Variants in CSMD1 observed in about 807,000 individuals in gnomAD.
CSMD1 encodes CUB and Sushi multiple domains 1.
Under a neutral mutation model 417.5 loss-of-function variants are expected in CSMD1, and 213 were observed. The ratio of observed to expected loss-of-function variants is 0.51; its 90% confidence interval spans 0.46 to 0.57. The LOEUF (loss-of-function observed/expected upper bound fraction) is 0.57, where lower values mean the gene tolerates loss of function less well. Ranked by LOEUF, CSMD1 falls within the 20% of genes least tolerant of loss-of-function variation. The pLI is 0.00. For synonymous variants in CSMD1, 2,862 were observed against 1,736.8 expected (o/e 1.65, Z -16.11); for missense variants, 6,923 against 4,529.7 (o/e 1.53, Z -15.17).
chr8:3,815,469 T>G (rs560442122), intron 5 of CSMD1, among the ~76,000 whole-genome samples: 1 of 152,094 alleles, frequency 6.6e-6, no homozygotes, highest in Non-Finnish European at 1.5e-5. Flanking sequence ...CAGGTTTCTG[T>G]GTAAATATAA....
At chr8:3,312,352 G>C (rs866231412) in intron 23 of CSMD1, among the ~76,000 whole-genome samples, 4 of 152,116 alleles carry the variant, frequency 2.6e-5, no homozygotes, top group African/African-American at 9.7e-5. Flanking sequence ...TTTTGCAAAA[G>C]ATCACTTAAG....
intron 5 of CSMD1, among the ~76,000 whole-genome samples, chr8:3,866,962 A>T: frequency 6.6e-6 from 1 of 152,336 alleles, no homozygotes; most frequent in African/African-American, 2.4e-5. Context: ...CATTTTCATG[A>T]AAAACCATTT....
Position 4,537,676 on chromosome 8 carries a change from G to A in CSMD1, c.302+99666C>T, listed in dbSNP as rs568246163. On this transcript the variant is annotated intron_variant, in intron 2 of 69. Coordinates refer to ENST00000635120, the MANE Select transcript of CSMD1 (RefSeq NM_033225.6). Reference sequence around the variant, plus strand: ...ATTTGCATTACTTTCATTCTTCCTCGAAGACTCCATCAGGGTGTGCTCAGA... The same window carrying A: ...ATTTGCATTACTTTCATTCTTCCTCAAAGACTCCATCAGGGTGTGCTCAGA... Among the ~76,000 whole-genome samples the A allele has an allele frequency of 7.2e-5, 11 of 151,906 alleles. No homozygotes were observed. The East Asian group carries it at 1.2e-3, about 16-fold the overall frequency.
intron 1 of CSMD1, among the ~76,000 whole-genome samples, chr8:4,835,532 C>G (rs972360654): frequency 6.6e-6 from 1 of 152,162 alleles, no homozygotes; most frequent in Non-Finnish European, 1.5e-5. Flanking sequence ...AGTGGACAGT[C>G]AGCAACCTGA....
intron 66 of CSMD1, among the ~76,000 whole-genome samples, chr8:2,950,775 T>C (rs1802574339): frequency 6.6e-6 from 1 of 152,184 alleles, no homozygotes; most frequent in African/African-American, 2.4e-5. Flanking sequence ...TGTGTGATGA[T>C]TTTAAAAATC....
Position 4,420,093 on chromosome 8 carries a change from G to A in CSMD1, c.303-28C>T, listed in dbSNP as rs531772365. On this transcript the variant is annotated intron_variant, in intron 2 of 69. Transcript: ENST00000635120. ...AAATTTAAAAGACAAGACACAAAGA[G>A]AGTTAAAAGCATGAATTTGTCAAAA... is the stretch of plus-strand genomic sequence containing the variant. The A allele has an allele frequency of 1.3e-5, 19 of 1,478,904 alleles. 1 individual carries two copies. In the South Asian group the frequency reaches 2.2e-4, roughly 17 times the overall value. 91.6% of individuals were successfully genotyped at this position (1,478,904 alleles called of 1,614,324 possible). A position where few individuals can be genotyped will look rare whatever the true frequency, so the allele number is the denominator to read the frequency against.
chr8:3,057,851 C>A (rs1812338136), intron 49 of CSMD1, among the ~76,000 whole-genome samples: 1 of 152,114 alleles, frequency 6.6e-6, no homozygotes, highest in Non-Finnish European at 1.5e-5. Flanking sequence ...ATTTCATTTT[C>A]AGTTTAAAAA....
rs117502892 is a variant in CSMD1, at chr8:3,743,373, G to A, written c.931+10557C>T. On this transcript the variant is annotated intron_variant, in intron 6 of 69. Coordinates refer to ENST00000635120, the MANE Select transcript of CSMD1 (RefSeq NM_033225.6). ...TCTTTAGAAAAATAGATAATTTGCC[G>A]TCCACACATAAAACTGCATTGCGTG... 1.2e-4 allele frequency among the ~76,000 whole-genome samples: 18 copies of A among 152,284 alleles called. 1 individual carries two copies. The highest frequency in any genetic ancestry group is 4.6e-4 in the Admixed American group (7 of 15,290).
intron 3 of CSMD1, among the ~76,000 whole-genome samples, chr8:4,185,818 G>C (rs1200514023): frequency 6.6e-6 from 1 of 152,198 alleles, no homozygotes; most frequent in East Asian, 1.9e-4. Context: ...GCCAGAGTCA[G>C]AAAGTGCCCT....
Position 3,406,189 on chromosome 8 carries a change from T to G in CSMD1, c.2104A>C (p.Ile702Leu). Residue 702 changes from isoleucine (I) to leucine (L), a missense_variant, in exon 15 of 70, where the codon ATT becomes CTT. By Grantham distance (5) the Ile-to-Leu change is conservative. Transcript: ENST00000635120. Reference protein sequence around the residue: ...FGQNECHDPGIPINGRRFGDR... With the variant: ...FGQNECHDPGLPINGRRFGDR... Reference sequence around the variant, plus strand: ...CCAAAACGTCGTCCGTTTATAGGAATGCCAGGATCATGGCACTCATTCTGA... The same window carrying G: ...CCAAAACGTCGTCCGTTTATAGGAAGGCCAGGATCATGGCACTCATTCTGA... 2 of 1,611,008 alleles carry G rather than the reference T, an allele frequency of 1.2e-6. No homozygotes were observed. The highest frequency in any genetic ancestry group is 1.7e-6 in the Non-Finnish European group (2 of 1,178,474).
intron 5 of CSMD1, among the ~76,000 whole-genome samples, chr8:3,777,684 C>G (rs1798964639): frequency 6.6e-6 from 1 of 152,212 alleles, no homozygotes; most frequent in Admixed American, 6.5e-5. Flanking sequence ...GTCTCAGGAC[C>G]CACGCCAGAC....
intron 36 of CSMD1, among the ~76,000 whole-genome samples, chr8:3,187,207 A>G (rs544172576): frequency 1.3e-5 from 2 of 152,350 alleles, no homozygotes; most frequent in South Asian, 2.1e-4. Flanking sequence ...ATGCTATTAC[A>G]GTGTAATGCT....
At chr8:4,892,790 T>C (rs1804211243) in intron 1 of CSMD1, among the ~76,000 whole-genome samples, 1 of 152,154 alleles carries the variant, frequency 6.6e-6, no homozygotes, top group South Asian at 2.1e-4. Context: ...AGGGTATAAA[T>C]CTACCTTGTA....
chr8:4,708,750 C>G (rs1004194316), intron 1 of CSMD1, among the ~76,000 whole-genome samples: 1 of 151,992 alleles, frequency 6.6e-6, no homozygotes, highest in Non-Finnish European at 1.5e-5. Flanking sequence ...ATATAAAGTC[C>G]TAACCCCCAG....
rs184748223 is a variant in CSMD1, at chr8:4,130,696, G to C, written c.416-98597C>G. Among the ~76,000 whole-genome samples, 6 of 150,206 alleles carry C rather than the reference G, an allele frequency of 4.0e-5. No homozygotes were observed. The South Asian group carries it at 8.5e-4, about 21-fold the overall frequency. Reference sequence around the variant, plus strand: ...ATAATGTAATTTTAGTGGAATTTTGGAGGGGAGTAGATAACACATGAAAGT... The same window carrying C: ...ATAATGTAATTTTAGTGGAATTTTGCAGGGGAGTAGATAACACATGAAAGT... On this transcript the variant is annotated intron_variant, in intron 3 of 69. Transcript: ENST00000635120.
intron 3 of CSMD1, among the ~76,000 whole-genome samples, chr8:4,215,048 G>T (rs1413690726): frequency 6.6e-6 from 1 of 152,072 alleles, no homozygotes. Flanking sequence ...TTCCAAGCTG[G>T]CTCAGAGAAA....
intron 5 of CSMD1, among the ~76,000 whole-genome samples, chr8:3,939,525 C>T (rs941086548): frequency 6.6e-6 from 1 of 151,968 alleles, no homozygotes; most frequent in African/African-American, 2.4e-5. Context: ...GGTATCTACT[C>T]AAAGGAAAAG....
At chr8:4,076,780 C>T (rs1207430050) in intron 3 of CSMD1, among the ~76,000 whole-genome samples, 1 of 152,148 alleles carries the variant, frequency 6.6e-6, no homozygotes, top group Non-Finnish European at 1.5e-5. Flanking sequence ...CTCTGAACAA[C>T]AACCATATCA....
chr8:3,596,887 G>A (rs537360078), intron 8 of CSMD1, among the ~76,000 whole-genome samples: 5 of 152,290 alleles, frequency 3.3e-5, no homozygotes, highest in East Asian at 1.9e-4. Context: ...CCCTACAGAA[G>A]TTGGCACAAT....
Sources: allele counts gnomAD v4.1 joint callset (sites outside exome capture counted in the v4.1 genomes callset), GRCh38; gene constraint gnomAD v4.1.1; transcripts MANE v1.5; gene names NCBI Gene and HGNC (gene_info 2026-07-23, HGNC 2026-07-21).